Variants in SRGAP3 observed in about 807,000 individuals in gnomAD.
The protein encoded by SRGAP3 is SLIT-ROBO Rho GTPase activating protein 3.
SRGAP3 carries 39 observed loss-of-function variants against 121.1 expected under a neutral mutation model. The observed-to-expected ratio is 0.32, with a 90% CI of 0.25 to 0.42. The LOEUF (loss-of-function observed/expected upper bound fraction) is 0.42, where lower values mean the gene tolerates loss of function less well. Among genes scored for constraint, SRGAP3 ranks in the 10% least tolerant of loss-of-function variants. SRGAP3 has a pLI of 1.00. For missense variants in SRGAP3, 1,213 were observed against 1,470.6 expected, an observed-to-expected ratio of 0.82 and a Z score of 2.86; for synonymous variants, 601 against 570.0, an observed-to-expected ratio of 1.05 and a Z score of -0.77.
At chr3:9,296,193 T>C (rs895418013) in intron 3 of SRGAP3, among the ~76,000 whole-genome samples, 1 of 152,228 alleles carries the variant, frequency 6.6e-6, no homozygotes, top group African/African-American at 2.4e-5. Flanking sequence ...TGATTTTATA[T>C]CTAATTTTTT....
chr3:9,007,601 G>A (rs1461996665), intron 18 of SRGAP3: 1 of 152,172 alleles, frequency 6.6e-6, no homozygotes, highest in East Asian at 1.9e-4. Context: ...GATTAGGAAG[G>A]ATGTCTGTTT....
At chr3:9,170,407 A>G (rs1253123074) in intron 1 of SRGAP3, among the ~76,000 whole-genome samples, 1 of 152,118 alleles carries the variant, frequency 6.6e-6, no homozygotes, top group East Asian at 1.9e-4. Flanking sequence ...TGCGGGGAGC[A>G]GCGGGGTGGG....
intron 3 of SRGAP3, among the ~76,000 whole-genome samples, chr3:9,098,202 C>T (rs1948067322): frequency 6.6e-6 from 1 of 152,234 alleles, no homozygotes; most frequent in Non-Finnish European, 1.5e-5. Flanking sequence ...CCTGTCTCTG[C>T]TTTCAGACTG....
intron 1 of SRGAP3, among the ~76,000 whole-genome samples, chr3:9,162,951 C>A (rs1382565844): frequency 6.6e-6 from 1 of 152,210 alleles, no homozygotes; most frequent in Non-Finnish European, 1.5e-5. Context: ...CTCAGCTCTG[C>A]CACTTATCAG....
chr3:9,318,032 C>T (rs558799666), intron 3 of SRGAP3, among the ~76,000 whole-genome samples: 1 of 152,062 alleles, frequency 6.6e-6, no homozygotes, highest in African/African-American at 2.4e-5. Flanking sequence ...AGCCCCTATC[C>T]GACTAGAGTG....
chr3:9,132,422 T>C (rs1312384984), intron 1 of SRGAP3, among the ~76,000 whole-genome samples: 1 of 152,174 alleles, frequency 6.6e-6, no homozygotes, highest in African/African-American at 2.4e-5. Context: ...TTCTTCCCTC[T>C]CACTTACCCC....
intron 1 of SRGAP3, among the ~76,000 whole-genome samples, chr3:9,183,806 G>A (rs558153304): frequency 1.9e-4 from 28 of 150,164 alleles, no homozygotes; most frequent in African/African-American, 6.6e-4. Context: ...ACACTGTAAT[G>A]TTCACCTAAA....
chr3:8,985,453 C>G lies in SRGAP3; in HGVS notation c.*66G>C. 1 of 1,588,336 alleles carries G rather than the reference C, an allele frequency of 6.3e-7. No homozygotes were observed. Among genetic ancestry groups the G allele is most frequent in the Non-Finnish European group, 8.5e-7 (1 of 1,174,626 alleles). ...AGGGTCACTGGGAAGCACGTGGAAGCCACCAAGGCCACCCTGGGCCGTGGT... is the reference window on the plus strand; with the variant it reads ...AGGGTCACTGGGAAGCACGTGGAAGGCACCAAGGCCACCCTGGGCCGTGGT... On this transcript the variant is annotated 3_prime_UTR_variant, in exon 22 of 22. Coordinates refer to ENST00000383836, the MANE Select transcript of SRGAP3 (RefSeq NM_014850.4). The surrounding 1 kb of genome is among the most constrained non-coding windows in gnomAD (Gnocchi z 5.1).
intron 3 of SRGAP3, among the ~76,000 whole-genome samples, chr3:9,088,759 T>C (rs767666836): frequency 6.6e-6 from 1 of 151,786 alleles, no homozygotes; most frequent in Non-Finnish European, 1.5e-5. Flanking sequence ...TTCCCAGTGT[T>C]GAAAACTCAG....
chr3:9,018,555 G>A (rs1376582177), intron 14 of SRGAP3, among the ~76,000 whole-genome samples: 1 of 152,082 alleles, frequency 6.6e-6, no homozygotes, highest in Non-Finnish European at 1.5e-5. Context: ...ATTCTAACTG[G>A]GGTGACATGA....
intron 1 of SRGAP3, among the ~76,000 whole-genome samples, chr3:9,362,009 C>G (rs900543169): frequency 6.6e-6 from 1 of 151,878 alleles, no homozygotes; most frequent in Non-Finnish European, 1.5e-5. Flanking sequence ...TATTCGTGAC[C>G]CCTCTTACAG....
chr3:9,249,660 G>A (rs1284527007), upstream of SRGAP3: 3 of 233,700 alleles, frequency 1.3e-5, no homozygotes, highest in Admixed American at 5.6e-5. Context: ...CGCCCTGCAG[G>A]GCTGGCTGAG....
At chr3:9,025,057 T>C (rs1269581359) in intron 14 of SRGAP3, among the ~76,000 whole-genome samples, 1 of 152,192 alleles carries the variant, frequency 6.6e-6, no homozygotes, top group Non-Finnish European at 1.5e-5. Flanking sequence ...GTTAGCCAAT[T>C]TCTCTGGTGT....
At chr3:9,047,323 C>G in intron 10 of SRGAP3, 68 bp downstream of exon 10, 11 of 1,524,504 alleles carry the variant, frequency 7.2e-6, no homozygotes, top group Non-Finnish European at 1.0e-5. Context: ...CTCAACACGT[C>G]AGGGGGCCAC....
intron 1 of SRGAP3, among the ~76,000 whole-genome samples, chr3:9,209,572 A>C (rs1341047717): frequency 6.6e-6 from 1 of 152,262 alleles, no homozygotes; most frequent in Non-Finnish European, 1.5e-5. Context: ...CTTTGATGCT[A>C]GCTATTGAAA....
At position 8,985,795 on chromosome 3, in the gene SRGAP3, C is replaced by A; in HGVS notation, c.3024G>T (p.Glu1008Asp). 3.1e-6 allele frequency: 5 copies of A among 1,600,118 alleles called. No individual in the cohort carries two copies. The highest frequency in any genetic ancestry group is 4.2e-6 in the Non-Finnish European group (5 of 1,179,824). Residue 1008 changes from glutamate (E) to aspartate (D), a missense_variant, in exon 22 of 22, where the codon GAG (glutamate) becomes GAT (aspartate). By Grantham distance (45) the Glu-to-Asp change is conservative. Coordinates refer to ENST00000383836, the MANE Select transcript of SRGAP3 (RefSeq NM_014850.4). This position sits in a 1 kb window ranked among gnomAD's most constrained non-coding sequence, Gnocchi z 5.1. The part of the protein sequence containing the change: ...LKNPPGPVSS[E>D]PASPLHTIVI... ...CGATGGTGTGAAGGGGACTGGCGGGCTCCGAGCTGACGGGGCCTGGCGGGT... is the reference window on the plus strand; with the variant it reads ...CGATGGTGTGAAGGGGACTGGCGGGATCCGAGCTGACGGGGCCTGGCGGGT...
intron 2 of SRGAP3, among the ~76,000 whole-genome samples, chr3:9,111,124 A>G (rs1397607858): frequency 6.6e-6 from 1 of 152,240 alleles, no homozygotes; most frequent in East Asian, 1.9e-4. Context: ...CACAACCTTG[A>G]GCCCAACAGA....
At position 9,010,225 on chromosome 3, in the gene SRGAP3, G is replaced by A. The variant is rs1943294173; in HGVS notation, c.2227+83C>T. 5.3e-6 allele frequency: 8 copies of A among 1,507,290 alleles called. No individual in the cohort carries two copies. In the Admixed American group the frequency reaches 1.4e-4, roughly 26 times the overall value. The allele number at this position is 1,507,290 out of a possible 1,614,324, so 93.4% of individuals were successfully genotyped here. A position where few individuals can be genotyped will look rare whatever the true frequency, so the allele number is the denominator to read the frequency against. On this transcript the variant is annotated intron_variant, in intron 18 of 21. Coordinates refer to ENST00000383836, the MANE Select transcript of SRGAP3 (RefSeq NM_014850.4). Reference sequence around the variant, plus strand: ...TGGAAAGCTGAAGAGGTCTATGTGGGCCAGCCCTGTGGTTGGGCTGACAAA... The same window carrying A: ...TGGAAAGCTGAAGAGGTCTATGTGGACCAGCCCTGTGGTTGGGCTGACAAA...
chr3:9,230,794 G>A (rs1559229200), intron 1 of SRGAP3, among the ~76,000 whole-genome samples: 2 of 151,100 alleles, frequency 1.3e-5, no homozygotes, highest in Non-Finnish European at 2.9e-5. Flanking sequence ...TGCTTAAGCA[G>A]TTCAAGGCTG....
Sources: gnomAD v4.1 joint callset for allele counts (sites outside exome capture counted in the v4.1 genomes callset) on GRCh38, gnomAD v4.1.1 for gene constraint, Gnocchi (gnomAD v3.1) non-coding constraint, MANE v1.5 for transcripts, NCBI Gene and HGNC (gene_info 2026-07-23, HGNC 2026-07-21) for gene names.